Variants in OAS2 observed in about 807,000 individuals in gnomAD.
The protein encoded by OAS2 is 2'-5'-oligoadenylate synthase 2.
OAS2 carries 67 observed loss-of-function variants against 71.3 expected under a neutral mutation model. The observed-to-expected ratio is 0.94, with a 90% CI of 0.77 to 1.15. OAS2 has a LOEUF of 1.15. Ranked by LOEUF, OAS2 falls within the 50% of genes most tolerant of loss-of-function variation. The pLI is 0.00. For missense variants in OAS2, 789 were observed against 822.5 expected (o/e 0.96, Z 0.50); for synonymous variants, 327 against 321.8 (o/e 1.02, Z -0.17).
rs550448230 is a variant in OAS2, at chr12:113,002,672, G to A, written c.1009-260G>A. Reference sequence around the variant, plus strand: ...GAACACGACAGATCTGTCTGGACAAGGATCCAGATCTCTCCTAGGGGGAAG... The same window carrying A: ...GAACACGACAGATCTGTCTGGACAAAGATCCAGATCTCTCCTAGGGGGAAG... On this transcript the variant is annotated intron_variant, in intron 5 of 9. Coordinates refer to ENST00000392583, the MANE Select transcript of OAS2 (RefSeq NM_002535.3). 3.9e-5 allele frequency among the ~76,000 whole-genome samples: 6 copies of A among 152,304 alleles called. No homozygotes were observed. The East Asian group carries it at 1.2e-3, about 29-fold the overall frequency.
Position 113,006,589 on chromosome 12 carries a change from T to C in OAS2, c.1645T>C (p.Trp549Arg). 6.2e-7 allele frequency: 1 copy of C among 1,604,664 alleles called. No individual in the cohort carries two copies. The highest frequency in any genetic ancestry group is 8.5e-7 in the Non-Finnish European group (1 of 1,172,774). ...GGATTTAATTCGCCTGGTGAAGCAC[T>C]GGTACAAAGAGGTAAGGACAGTCTT... ...LKDLIRLVKH[W>R]YKECERKLKP... The change falls in exon 8 of 10, where the codon TGG (tryptophan) becomes CGG (arginine). Residue 549 changes from tryptophan (W) to arginine (R), a missense_variant. Coordinates refer to ENST00000392583, the MANE Select transcript of OAS2 (RefSeq NM_002535.3).
Position 113,010,615 on chromosome 12 carries a change from C to A in OAS2, c.*1360C>A. On this transcript the variant is annotated 3_prime_UTR_variant, in exon 10 of 10. Transcript: ENST00000392583. ...GACTTCTTGAAATCAATCAAGACTG[C>A]AAACCCTTTCATAAAGTCTTGCCTT... 7.3e-7 allele frequency: 1 copy of A among 1,361,570 alleles called. No homozygotes were observed. Among genetic ancestry groups the A allele is most frequent in the East Asian group, 2.5e-5 (1 of 39,366 alleles). 84.3% of individuals were successfully genotyped at this position (1,361,570 alleles called of 1,614,324 possible). A position where few individuals can be genotyped will look rare whatever the true frequency, so the allele number is the denominator to read the frequency against.
intron 2 of OAS2, among the ~76,000 whole-genome samples, chr12:112,991,878 T>G (rs2044195687): frequency 6.6e-6 from 1 of 152,192 alleles, no homozygotes; most frequent in Non-Finnish European, 1.5e-5. Flanking sequence ...TGTTCTTCTA[T>G]GGTCTCTAGT....
At chr12:113,001,359 T>C (rs1364558403) in intron 5 of OAS2, among the ~76,000 whole-genome samples, 2 of 120,208 alleles carry the variant, frequency 1.7e-5, no homozygotes, top group African/African-American at 3.6e-5. Flanking sequence ...AAAATATATA[T>C]ATACATATAT....
chr12:112,988,049 G>C (rs1736360505), intron 2 of OAS2: 2 of 985,278 alleles, frequency 2.0e-6, no homozygotes, highest in South Asian at 4.7e-5. Context: ...TAATACTTGG[G>C]TCTGAAAATA....
chr12:113,001,133 C>G (rs2044283524), intron 5 of OAS2, among the ~76,000 whole-genome samples: 1 of 151,914 alleles, frequency 6.6e-6, no homozygotes. Context: ...CACTTGAGAA[C>G]AGGAGTTTGA....
Position 113,009,921 on chromosome 12 carries a change from G to A in OAS2, c.*666G>A. On this transcript the variant is annotated 3_prime_UTR_variant, in exon 10 of 10. Transcript: ENST00000392583. ...GATATCCTCCCTCCAGATATACTTGGTTCTCTCCACCAGGTTCTTTCTTTA... is the reference window on the plus strand; with the variant it reads ...GATATCCTCCCTCCAGATATACTTGATTCTCTCCACCAGGTTCTTTCTTTA... 3.0e-6 allele frequency: 3 copies of A among 987,336 alleles called. No individual in the cohort carries two copies. Among genetic ancestry groups the A allele is most frequent in the Non-Finnish European group, 3.6e-6 (3 of 831,482 alleles). 61.2% of individuals were successfully genotyped at this position (987,336 alleles called of 1,614,324 possible). A position where few individuals can be genotyped will look rare whatever the true frequency, so the allele number is the denominator to read the frequency against.
Position 113,007,819 on chromosome 12 carries a change from G to A in OAS2, c.1771G>A (p.Gly591Ser). Residue 591 changes from glycine (G) to serine (S), a missense_variant, in exon 9 of 10, where the codon GGT becomes AGT. Transcript: ENST00000392583. ...SGVPDFDTAE[G>S]FRTVLELVTQ... ...AGTGCCGGATTTTGACACTGCAGAA[G>A]GTTTCCGGACAGTCCTGGAGCTGGT... 1 of 1,614,192 alleles carries A rather than the reference G, an allele frequency of 6.2e-7. No individual in the cohort carries two copies. The highest frequency in any genetic ancestry group is 8.5e-7 in the Non-Finnish European group (1 of 1,180,016).
intron 2 of OAS2, among the ~76,000 whole-genome samples, chr12:112,992,989 C>T (rs574677543): frequency 7.2e-4 from 110 of 152,296 alleles, no homozygotes; most frequent in African/African-American, 2.3e-3. Flanking sequence ...GAAATAAACT[C>T]TTCCCCACAT....
At chr12:113,008,798 T>C (rs2044356118) in intron 9 of OAS2, among the ~76,000 whole-genome samples, 1 of 152,126 alleles carries the variant, frequency 6.6e-6, no homozygotes, top group Non-Finnish European at 1.5e-5. Context: ...AGCTAATTTT[T>C]GTATTTTTAG....
intron 7 of OAS2, among the ~76,000 whole-genome samples, chr12:113,005,918 C>CAAAAAAAAAAAAAAAAAAAAAAAAAAA (rs138299398): frequency 1.0e-4 from 5 of 49,044 alleles, no homozygotes; most frequent in Non-Finnish European, 1.4e-4. Context: ...ACAACAACAA[C>CAAAAAAAAAAAAAAAAAAAAAAAAAAA]AAAAAAAAAA....
chr12:112,995,224 T>C (rs1242332853), intron 2 of OAS2, 72 bp from the exon 3 acceptor site: 3 of 1,424,286 alleles, frequency 2.1e-6, no homozygotes, highest in East Asian at 2.3e-5. Context: ...CTGACCTTCA[T>C]TGTAGAGCAA....
At chr12:112,979,701 T>C (rs1261737554) in intron 1 of OAS2, among the ~76,000 whole-genome samples, 2 of 152,056 alleles carry the variant, frequency 1.3e-5, no homozygotes, top group Non-Finnish European at 2.9e-5. Flanking sequence ...ACAATGTAAC[T>C]GTGTAACCCC....
Position 112,997,561 on chromosome 12 carries a change from T to C in OAS2, c.669T>C (p.Tyr223=), listed in dbSNP as rs2136387453. The C allele has an allele frequency of 6.2e-7, 1 of 1,614,150 alleles. No individual in the cohort carries two copies. Among genetic ancestry groups the C allele is most frequent in the South Asian group, 1.1e-5 (1 of 91,076 alleles). The change falls in exon 4 of 10, where the codon TAT becomes TAC. Residue 223 remains tyrosine, a synonymous_variant. Transcript: ENST00000392583. ...KIKDLPSLSP[Y]ALELLTVYAW... is the part of the protein sequence containing the mutation. ...AGGATTTACCCTCGCTGTCTCCGTA[T>C]GCCCTGGAGCTGCTTACGGTGTATG...
At position 113,009,884 on chromosome 12, in the gene OAS2, A is replaced by G. The variant is rs2044365086; in HGVS notation, c.*629A>G. On this transcript the variant is annotated 3_prime_UTR_variant, in exon 10 of 10. Coordinates refer to ENST00000392583, the MANE Select transcript of OAS2 (RefSeq NM_002535.3). Reference sequence around the variant, plus strand: ...CCCTACCTACCAAGATATACCTGATATATTCCACCAGGATATCCTCCCTCC... The same window carrying G: ...CCCTACCTACCAAGATATACCTGATGTATTCCACCAGGATATCCTCCCTCC... 5.1e-6 allele frequency: 5 copies of G among 986,908 alleles called. No individual in the cohort carries two copies. The South Asian group carries it at 1.9e-4, about 37-fold the overall frequency. The allele number at this position is 986,908 out of a possible 1,614,324, so 61.1% of individuals were successfully genotyped here.
chr12:113,009,651 T>G lies in OAS2; in HGVS notation c.*396T>G, dbSNP rs1371902850. 1 of 992,296 alleles carries G rather than the reference T, an allele frequency of 1.0e-6. No individual in the cohort carries two copies. The highest frequency in any genetic ancestry group is 1.2e-6 in the Non-Finnish European group (1 of 834,980). The allele number at this position is 992,296 out of a possible 1,614,324, so 61.5% of individuals were successfully genotyped here. On this transcript the variant is annotated 3_prime_UTR_variant, in exon 10 of 10. Coordinates refer to ENST00000392583, the MANE Select transcript of OAS2 (RefSeq NM_002535.3). ...GGCCACGGTGCCTCCAGATGGCAGG[T>G]TTGCAATCCAAGCAGGAAGAAGGAA...
chr12:113,009,738 C>T lies in OAS2; in HGVS notation c.*483C>T. On this transcript the variant is annotated 3_prime_UTR_variant, in exon 10 of 10. Coordinates refer to ENST00000392583, the MANE Select transcript of OAS2 (RefSeq NM_002535.3). ...AGAAGTTTCATCCGCAAATTTTCTT[C>T]CATTTCATTGCTCAGAAATGTCATG... 1.0e-6 allele frequency: 1 copy of T among 987,354 alleles called. No individual in the cohort carries two copies. The highest frequency in any genetic ancestry group is 1.2e-6 in the Non-Finnish European group (1 of 831,374). The allele number at this position is 987,354 out of a possible 1,614,324, so 61.2% of individuals were successfully genotyped here.
intron 3 of OAS2, among the ~76,000 whole-genome samples, chr12:112,995,954 A>C (rs1476779216): frequency 6.6e-6 from 1 of 152,008 alleles, no homozygotes; most frequent in Non-Finnish European, 1.5e-5. Context: ...GGAGTGTGCC[A>C]CCATACCTGG....
In OAS2 at chr12:112,995,354, G is replaced by C. The variant is rs1192089049; in HGVS notation, c.507G>C (p.Lys169Asn). The change falls in exon 3 of 10, where the codon AAG (lysine) becomes AAC (asparagine). Residue 169 changes from lysine (K) to asparagine (N), a missense_variant. Physicochemically the swap from Lys to Asn is moderately conservative, Grantham distance 94. Coordinates refer to ENST00000392583, the MANE Select transcript of OAS2 (RefSeq NM_002535.3). ...IYRELKRSLD[K>N]TNASPGEFAV... ...GAGAGCTCAAAAGATCCTTGGATAAGACAAATGCCAGTCCTGGTGAGTTTG... is the reference window on the plus strand; with the variant it reads ...GAGAGCTCAAAAGATCCTTGGATAACACAAATGCCAGTCCTGGTGAGTTTG... The C allele has an allele frequency of 6.2e-7, 1 of 1,613,996 alleles. No individual in the cohort carries two copies.
Sources: allele counts gnomAD v4.1 joint callset (sites outside exome capture counted in the v4.1 genomes callset), GRCh38; gene constraint gnomAD v4.1.1; transcripts MANE v1.5; gene names NCBI Gene and HGNC (gene_info 2026-07-23, HGNC 2026-07-21).